Variants in TTLL8 observed in about 807,000 individuals in gnomAD.
The protein encoded by TTLL8 is protein monoglycylase TTLL8.
TTLL8 carries 65 observed loss-of-function variants against 77.8 expected under a neutral mutation model. That is an observed-to-expected ratio of 0.84 (90% CI 0.68 to 1.03). The LOEUF is 1.03. Ranked by LOEUF, TTLL8 falls within the 50% of genes least tolerant of loss-of-function variation. The pLI is 0.00. For synonymous variants in TTLL8, 402 were observed against 422.8 expected, an observed-to-expected ratio of 0.95 and a Z score of 0.60; for missense variants, 910 against 1,004.5, an observed-to-expected ratio of 0.91 and a Z score of 1.27.
chr22:50,036,937 A>G (rs2061340910), intron 8 of TTLL8, among the ~76,000 whole-genome samples: 1 of 151,964 alleles, frequency 6.6e-6, no homozygotes, highest in Admixed American at 6.6e-5. Context: ...AGATTCATCC[A>G]CGCTGCAGCA....
chr22:50,029,848 GCTGCCCTGCTGGTCAGCCGCGCCC>G (rs2061273522), intron 12 of TTLL8, among the ~76,000 whole-genome samples: 2 of 152,168 alleles, frequency 1.3e-5, no homozygotes, highest in African/African-American at 4.8e-5. Flanking sequence ...AACGGCTGAT[GCTGCCCTGCTGGTCAGCCGCGCCC>G]CTGCCCCACG....
At chr22:50,036,844 C>T (rs1278939795) in intron 8 of TTLL8, among the ~76,000 whole-genome samples, 4 of 152,140 alleles carry the variant, frequency 2.6e-5, no homozygotes, top group Admixed American at 6.5e-5. Context: ...GTGATCCCCC[C>T]GCCTCGGCCT....
chr22:50,056,810 C>G (rs564633074), upstream of TTLL8: 3 of 1,289,588 alleles, frequency 2.3e-6, no homozygotes, highest in African/African-American at 1.5e-5. This position sits in a 1 kb window ranked among gnomAD's most constrained non-coding sequence, Gnocchi z 4.1. Flanking sequence ...CCAGCACTGC[C>G]TCTGAGCCCG....
chr22:50,057,580 C>T (rs1208162562), upstream of TTLL8, among the ~76,000 whole-genome samples: 6 of 43,284 alleles, frequency 1.4e-4, 1 homozygote, highest in African/African-American at 6.3e-4. Flanking sequence ...GGGGTCAGGT[C>T]TGGGTTGAGG....
At chr22:50,038,602 A>G (rs2061350938) in intron 8 of TTLL8, among the ~76,000 whole-genome samples, 2 of 152,214 alleles carry the variant, frequency 1.3e-5, no homozygotes, top group Non-Finnish European at 2.9e-5. Flanking sequence ...GCTTGAGGCC[A>G]GGCATTCAAG....
At chr22:50,029,587 C>T (rs151203231) in intron 12 of TTLL8, among the ~76,000 whole-genome samples, 2,621 of 152,214 alleles carry the variant, frequency 0.017, 77 homozygotes, top group African/African-American at 0.058. Flanking sequence ...AAAAATTAGC[C>T]GGGCGCGGTG....
At chr22:50,036,331 CT>C (rs1209625260) in intron 8 of TTLL8, among the ~76,000 whole-genome samples, 1 of 152,218 alleles carries the variant, frequency 6.6e-6, no homozygotes, top group Non-Finnish European at 1.5e-5. Context: ...GTGGTCACCC[CT>C]GGGTCTTCCT....
Position 50,041,662 on chromosome 22 carries a change from G to C in TTLL8, c.789C>G (p.Ala263=). The C allele has an allele frequency of 7.3e-7, 1 of 1,366,704 alleles. No individual in the cohort carries two copies. The highest frequency in any genetic ancestry group is 9.8e-7 in the Non-Finnish European group (1 of 1,021,536). The allele number at this position is 1,366,704 out of a possible 1,614,324, so 84.7% of individuals were successfully genotyped here. ...ACTGCTGGGTCAGGTCCTCCCACTC[G>C]GCCTCAGTGAGGTCCTCCACGGCAT... The change falls in exon 7 of 14, where the codon GCC becomes GCG. Residue 263 remains alanine, a synonymous_variant. Transcript: ENST00000266182. This position sits in a 1 kb window ranked among gnomAD's most constrained non-coding sequence, Gnocchi z 4.3.
chr22:50,049,823 G>T (rs1266160550), intron 2 of TTLL8, among the ~76,000 whole-genome samples: 1 of 152,168 alleles, frequency 6.6e-6, no homozygotes, highest in Non-Finnish European at 1.5e-5. Context: ...GGACAGCTGA[G>T]GCCGGGCGGA....
chr22:50,024,425 T>A (rs182738833), intron 12 of TTLL8, among the ~76,000 whole-genome samples: 1 of 152,274 alleles, frequency 6.6e-6, no homozygotes, highest in East Asian at 1.9e-4. Context: ...ACTGTCGTAT[T>A]TGAAAACTTC....
Position 50,041,731 on chromosome 22 carries a change from G to A in TTLL8, c.720C>T (p.Ala240=), listed in dbSNP as rs1569229246. ...CCTCATGCTCCAGCTGCCCCAGGTA[G>A]GCCTGGCACACCTTGCACGCGATGT... Residue 240 remains alanine (A), a synonymous_variant, in exon 7 of 14, where the codon GCC becomes GCT. Transcript: ENST00000266182. This position sits in a 1 kb window ranked among gnomAD's most constrained non-coding sequence, Gnocchi z 4.3. 1 of 1,366,290 alleles carries A rather than the reference G, an allele frequency of 7.3e-7. No homozygotes were observed. Among genetic ancestry groups the A allele is most frequent in the East Asian group, 4.6e-5 (1 of 21,970 alleles). The allele number at this position is 1,366,290 out of a possible 1,614,324, so 84.6% of individuals were successfully genotyped here. A position where few individuals can be genotyped will look rare whatever the true frequency, so the allele number is the denominator to read the frequency against.
chr22:50,044,240 C>T lies in TTLL8; in HGVS notation c.643+1015G>A, dbSNP rs1483456042. On this transcript the variant is annotated intron_variant, in intron 6 of 13. Transcript: ENST00000266182. The surrounding 1 kb of genome is among the most constrained non-coding windows in gnomAD (Gnocchi z 4.2). ...GGCTGAGACAGGAGAATCGCTTGAA[C>T]CCAGGAGGCGGAGGTTGCAGTGAGC... is the stretch of plus-strand genomic sequence containing the variant. Among the ~76,000 whole-genome samples, 1 of 152,010 alleles carries T rather than the reference C, an allele frequency of 6.6e-6. No homozygotes were observed. Among genetic ancestry groups the T allele is most frequent in the Non-Finnish European group, 1.5e-5 (1 of 67,994 alleles).
chr22:50,022,409 A>G (rs1412784600), intron 12 of TTLL8, among the ~76,000 whole-genome samples: 1 of 129,756 alleles, frequency 7.7e-6, no homozygotes, highest in African/African-American at 3.0e-5. Flanking sequence ...TCCATCTGAC[A>G]TGCACTCCTC....
At chr22:50,019,485 G>A (rs982419278) in intron 12 of TTLL8, among the ~76,000 whole-genome samples, 5 of 152,136 alleles carry the variant, frequency 3.3e-5, no homozygotes, top group African/African-American at 9.7e-5. Context: ...TGATGTCTTG[G>A]GTGAGGTCAT....
rs2061395315 is a variant in TTLL8, at chr22:50,044,419, G to C, written c.643+836C>G. 6.6e-6 allele frequency among the ~76,000 whole-genome samples: 1 copy of C among 152,168 alleles called. No homozygotes were observed. The highest frequency in any genetic ancestry group is 1.5e-5 in the Non-Finnish European group (1 of 68,024). On this transcript the variant is annotated intron_variant, in intron 6 of 13. Transcript: ENST00000266182. This position sits in a 1 kb window ranked among gnomAD's most constrained non-coding sequence, Gnocchi z 4.2. ...ACAACCTAACTCAGAATTGAAAACG[G>C]AATGTAAGCACAGCCAATCACAGGC...
chr22:50,056,894 TGAA>T (rs1272559094), upstream of TTLL8: 9 of 1,289,722 alleles, frequency 7.0e-6, no homozygotes, highest in Non-Finnish European at 9.1e-6. This position sits in a 1 kb window ranked among gnomAD's most constrained non-coding sequence, Gnocchi z 4.1. Flanking sequence ...CGTCTCCATC[TGAA>T]GAAGAAGCCA....
chr22:50,055,131 G>T, upstream of TTLL8: 1 of 1,201,424 alleles, frequency 8.3e-7, no homozygotes, highest in Non-Finnish European at 1.1e-6. Flanking sequence ...TGCAGCTCGG[G>T]GGCACAGTGC....
At chr22:50,057,517 G>GGGTCAGGTCTGGATTGT (rs2061484975), upstream of TTLL8, among the ~76,000 whole-genome samples, 3 of 107,610 alleles carry the variant, frequency 2.8e-5, no homozygotes, top group Admixed American at 9.5e-5. Context: ...TCTGGGTTGG[G>GGGTCAGGTCTGGATTGT]GGGTCAGGTC....
intron 4 of TTLL8, among the ~76,000 whole-genome samples, chr22:50,046,543 C>T (rs2061412998): frequency 6.6e-6 from 1 of 152,260 alleles, no homozygotes; most frequent in African/African-American, 2.4e-5. Context: ...TTGAAGGGGC[C>T]ATGTTGCCAC....
Sources: allele counts gnomAD v4.1 joint callset (sites outside exome capture counted in the v4.1 genomes callset), GRCh38; gene constraint gnomAD v4.1.1; non-coding constraint Gnocchi (gnomAD v3.1); transcripts MANE v1.5; gene names NCBI Gene and HGNC (gene_info 2026-07-23, HGNC 2026-07-21).